CXXC5: variants seen among roughly 807,000 people sequenced by gnomAD.
The protein encoded by CXXC5 is CXXC finger protein 5.
In CXXC5, 2 loss-of-function variants were observed where a neutral mutation model predicts 17.6. That is an observed-to-expected ratio of 0.11 (90% CI 0.05 to 0.36). CXXC5 has a LOEUF of 0.36. CXXC5 is among the 10% of genes least tolerant of loss of function. The pLI is 1.00. For missense variants in CXXC5, 343 were observed against 458.3 expected, an observed-to-expected ratio of 0.75 and a Z score of 2.30; for synonymous variants, 171 against 193.0, an observed-to-expected ratio of 0.89 and a Z score of 0.94.
chr5:139,678,933 G>A (rs1291029515), intron 1 of CXXC5, among the ~76,000 whole-genome samples: 1 of 152,234 alleles, frequency 6.6e-6, no homozygotes, highest in Admixed American at 6.5e-5. Context: ...GACTGATGAG[G>A]AAACCGCCGC....
chr5:139,651,883 T>A (rs1755201876), intron 1 of CXXC5, among the ~76,000 whole-genome samples: 1 of 152,166 alleles, frequency 6.6e-6, no homozygotes, highest in Admixed American at 6.5e-5. Context: ...GTTCACACAT[T>A]GTTATTACGT....
At chr5:139,666,046 G>T (rs540413747) in intron 1 of CXXC5, among the ~76,000 whole-genome samples, 2 of 152,156 alleles carry the variant, frequency 1.3e-5, no homozygotes, top group African/African-American at 4.8e-5. Flanking sequence ...ATTCTCAAAG[G>T]CTTTTTCAAA....
At chr5:139,650,590 C>T (rs1019263131) in intron 1 of CXXC5, among the ~76,000 whole-genome samples, 3 of 152,206 alleles carry the variant, frequency 2.0e-5, no homozygotes, top group Non-Finnish European at 2.9e-5. Context: ...GCGATTTGAA[C>T]GCCCGGCTCC....
intron 1 of CXXC5, among the ~76,000 whole-genome samples, chr5:139,674,128 A>G (rs1359882124): frequency 6.6e-6 from 1 of 152,034 alleles, no homozygotes; most frequent in Non-Finnish European, 1.5e-5. Context: ...CCATAGCTGG[A>G]TGTGTGCCCT....
rs185224823 is a variant in CXXC5, at chr5:139,668,333, G to T, written c.-160-12031G>T. Among the ~76,000 whole-genome samples the T allele has an allele frequency of 6.6e-6, 1 of 152,034 alleles. No individual in the cohort carries two copies. Among genetic ancestry groups the T allele is most frequent in the South Asian group, 2.1e-4 (1 of 4,822 alleles). ...TTCCCAGGCTGCCCGTCCCGCCGCG[G>T]CTCAGGGCGCCTCCCGGCTCCCTGC... On this transcript the variant is annotated intron_variant, in intron 1 of 2. Transcript: ENST00000302517. This position sits in a 1 kb window ranked among gnomAD's most constrained non-coding sequence, Gnocchi z 4.1.
chr5:139,678,147 G>A (rs372315824), intron 1 of CXXC5, among the ~76,000 whole-genome samples: 1 of 152,356 alleles, frequency 6.6e-6, no homozygotes, highest in Admixed American at 6.5e-5. Context: ...GGGCAGGGCA[G>A]ATGAGCTTAG....
At position 139,682,561 on chromosome 5, in the gene CXXC5, A is replaced by G. The variant is rs145983079; in HGVS notation, c.925-302A>G. On this transcript the variant is annotated intron_variant, in intron 2 of 2. Transcript: ENST00000302517. ...ACGTGCTCACACGCTCATTTACAGAAACATGCCACAGCCACCTGGCGCTGT... is the reference window on the plus strand; with the variant it reads ...ACGTGCTCACACGCTCATTTACAGAGACATGCCACAGCCACCTGGCGCTGT... 2.6e-5 allele frequency among the ~76,000 whole-genome samples: 4 copies of G among 152,314 alleles called. No homozygotes were observed. In the East Asian group the frequency reaches 7.7e-4, roughly 29 times the overall value.
At chr5:139,650,516 A>T (rs1236041461) in intron 1 of CXXC5, among the ~76,000 whole-genome samples, 3 of 152,040 alleles carry the variant, frequency 2.0e-5, no homozygotes, top group Non-Finnish European at 4.4e-5. Context: ...AGTCCCTTTC[A>T]AGTTTTCCGC....
At chr5:139,652,437 G>A (rs1038959799) in intron 1 of CXXC5, among the ~76,000 whole-genome samples, 3 of 151,982 alleles carry the variant, frequency 2.0e-5, no homozygotes, top group Admixed American at 1.3e-4. Context: ...TAAAGACCCA[G>A]GAATCTCCAA....
chr5:139,648,051 CT>C (rs397777225), upstream of CXXC5: 1,290 of 137,018 alleles, frequency 9.4e-3, 15 homozygotes, highest in African/African-American at 0.029. Context: ...GGAGGTCGTC[CT>C]TTTTTTTTTT....
intron 1 of CXXC5, among the ~76,000 whole-genome samples, chr5:139,671,377 C>G (rs919441586): frequency 6.6e-6 from 1 of 152,182 alleles, no homozygotes; most frequent in Non-Finnish European, 1.5e-5. Context: ...CTAGAGTGGC[C>G]CTGGCCATCC....
At chr5:139,650,130 G>C (rs1381028752) in intron 1 of CXXC5, among the ~76,000 whole-genome samples, 1 of 152,216 alleles carries the variant, frequency 6.6e-6, no homozygotes, top group Non-Finnish European at 1.5e-5. Context: ...AGTTGGGCTG[G>C]TGCCTCGGGC....
rs946674908 is a variant in CXXC5, at chr5:139,658,827, T to C, written c.-161+9982T>C. ...GGTCTAACATCACCCTGACAATACC[T>C]TGGGATTCTTTTCAAGACCACTGTT... On this transcript the variant is annotated intron_variant, in intron 1 of 2. Transcript: ENST00000302517. The surrounding 1 kb of genome is among the most constrained non-coding windows in gnomAD (Gnocchi z 4.1). Among the ~76,000 whole-genome samples, 1 of 152,178 alleles carries C rather than the reference T, an allele frequency of 6.6e-6. No individual in the cohort carries two copies. The highest frequency in any genetic ancestry group is 1.5e-5 in the Non-Finnish European group (1 of 68,018).
intron 2 of CXXC5, 77 bp from the exon 3 acceptor site, chr5:139,682,786 G>T: frequency 7.0e-7 from 1 of 1,426,284 alleles, no homozygotes; most frequent in Non-Finnish European, 9.5e-7. Context: ...GGCCATCCAT[G>T]GGGGAACGTC....
chr5:139,683,372 C>T lies in CXXC5; in HGVS notation c.*465C>T, dbSNP rs542635680. On this transcript the variant is annotated 3_prime_UTR_variant, in exon 3 of 3. Coordinates refer to ENST00000302517, the MANE Select transcript of CXXC5 (RefSeq NM_016463.9). ...CATTTAAACTTCCTTTGATTCTTTC[C>T]GACCATGAAATAGTGCATAGTTTGC... is the stretch of plus-strand genomic sequence containing the variant. 2.5e-4 allele frequency: 38 copies of T among 153,020 alleles called. No homozygotes were observed. The South Asian group carries it at 6.0e-3, about 24-fold the overall frequency. 9.5% of individuals were successfully genotyped at this position (153,020 alleles called of 1,614,324 possible).
At chr5:139,662,538 C>T (rs929475789) in intron 1 of CXXC5, among the ~76,000 whole-genome samples, 5 of 152,226 alleles carry the variant, frequency 3.3e-5, no homozygotes, top group Admixed American at 2.0e-4. Flanking sequence ...CCCAGACTAC[C>T]GGTCATTCTG....
At chr5:139,671,600 G>A (rs972483486) in intron 1 of CXXC5, among the ~76,000 whole-genome samples, 7 of 152,334 alleles carry the variant, frequency 4.6e-5, no homozygotes, top group Admixed American at 2.6e-4. Flanking sequence ...GCCGGTTTCC[G>A]TCCCGTTCTG....
At position 139,661,972 on chromosome 5, in the gene CXXC5, G is replaced by C. The variant is rs1418166672; in HGVS notation, c.-161+13127G>C. 6.6e-6 allele frequency among the ~76,000 whole-genome samples: 1 copy of C among 152,236 alleles called. No homozygotes were observed. The highest frequency in any genetic ancestry group is 1.9e-4 in the East Asian group (1 of 5,200). ...TTGGGTACATGGGGGAGAGATACAG[G>C]GGAGCTGGGAAAAGGAAAGGCTGGA... On this transcript the variant is annotated intron_variant, in intron 1 of 2. Coordinates refer to ENST00000302517, the MANE Select transcript of CXXC5 (RefSeq NM_016463.9). This position sits in a 1 kb window ranked among gnomAD's most constrained non-coding sequence, Gnocchi z 4.7.
Position 139,680,834 on chromosome 5 carries a change from A to C in CXXC5, c.311A>C (p.Lys104Thr), listed in dbSNP as rs1442536593. ...GSMMGGESAD[K>T]ATAAAAAASL... is the part of the protein sequence containing the mutation. ...ATGATGGGCGGAGAGTCTGCTGACA[A>C]GGCCACTGCGGCTGCAGCCGCTGCC... is the stretch of plus-strand genomic sequence containing the variant. Residue 104 changes from lysine to threonine, a missense_variant, in exon 2 of 3, where the codon AAG becomes ACG. This residue lies in a region of CXXC5 where 297 missense variants were observed against 363.4 expected (regional missense o/e 0.82). Transcript: ENST00000302517. 1.9e-6 allele frequency: 3 copies of C among 1,612,006 alleles called. No individual in the cohort carries two copies. Among genetic ancestry groups the C allele is most frequent in the Non-Finnish European group, 2.5e-6 (3 of 1,180,000 alleles).
Sources: gnomAD v4.1 joint callset for allele counts (sites outside exome capture counted in the v4.1 genomes callset) on GRCh38, gnomAD v4.1.1 for gene constraint, gnomAD v4.1.1 regional missense constraint, Gnocchi (gnomAD v3.1) non-coding constraint, MANE v1.5 for transcripts, NCBI Gene and HGNC (gene_info 2026-07-23, HGNC 2026-07-21) for gene names.